The following YIF1B variants were observed in gnomAD, a reference collection of about 807,000 sequenced individuals.
YIF1B encodes protein YIF1B.
Under a neutral mutation model 34.6 loss-of-function variants are expected in YIF1B, and 24 were observed. That is an observed-to-expected ratio of 0.69 (90% CI 0.50 to 0.98). YIF1B has a LOEUF of 0.98. Ranked by LOEUF, YIF1B falls within the 50% of genes least tolerant of loss-of-function variation. YIF1B has a pLI of 0.00. For synonymous variants in YIF1B, 186 were observed against 184.8 expected (o/e 1.01, Z -0.05); for missense variants, 368 against 429.4 (o/e 0.86, Z 1.26).
intron 1 of YIF1B, among the ~76,000 whole-genome samples, chr19:38,314,362 A>T (rs1167383884): frequency 6.6e-6 from 1 of 151,006 alleles, no homozygotes; most frequent in African/African-American, 2.4e-5. Context: ...GCCCAGCTAA[A>T]TTTTCTATTT....
intron 1 of YIF1B, among the ~76,000 whole-genome samples, chr19:38,312,105 A>AAAAACAAAAC (rs766418186): frequency 3.3e-5 from 5 of 151,778 alleles, no homozygotes; most frequent in Non-Finnish European, 7.4e-5. Flanking sequence ...TCCATCTCAA[A>AAAAACAAAAC]AAAACAAAAC....
At chr19:38,317,555 A>G (rs1413203478), upstream of YIF1B, among the ~76,000 whole-genome samples, 2 of 149,696 alleles carry the variant, frequency 1.3e-5, no homozygotes, top group Non-Finnish European at 3.0e-5. Context: ...CATCTCTTCC[A>G]TAAATGTTTT....
chr19:38,307,430 T>C lies in YIF1B; in HGVS notation c.787A>G (p.Met263Val). The C allele has an allele frequency of 6.2e-7, 1 of 1,613,544 alleles. No homozygotes were observed. The highest frequency in any genetic ancestry group is 8.5e-7 in the Non-Finnish European group (1 of 1,179,926). Residue 263 changes from methionine (M) to valine (V), a missense_variant and splice_region_variant, in exon 7 of 8, where the codon ATG becomes GTG. Met to Val is a conservative substitution (Grantham distance 21). Coordinates refer to ENST00000339413, the MANE Select transcript of YIF1B (RefSeq NM_001039672.3). ...GWCCVAIFVFMIRTLRLKILA... is the reference protein window; with the variant it reads ...GWCCVAIFVFVIRTLRLKILA... ...CACCAGCCCCGAGCCCAGCTCACCA[T>C]GAACACAAAGATGGCTACGCAGCAC...
chr19:38,304,910 G>GAGGAAGGAGAAGGGC lies in YIF1B; in HGVS notation c.*441_*442insGCCCTTCTCCTTCCT, dbSNP rs1555718994. ...GCAAGGCCAAGAAGCCCAAAGTGAAGAAGAAGGAGAAGGGCAAGAAGGAGA... is the reference window on the plus strand; with the variant it reads ...GCAAGGCCAAGAAGCCCAAAGTGAAGAGGAAGGAGAAGGGCAAGAAGGAGAAGGGCAAGAAGGAGA... On this transcript the variant is annotated 3_prime_UTR_variant, in exon 8 of 8. Transcript: ENST00000339413. The GAGGAAGGAGAAGGGC allele has an allele frequency of 7.6e-6, 12 of 1,571,408 alleles. No individual in the cohort carries two copies. The East Asian group carries it at 2.5e-4, about 33-fold the overall frequency.
upstream of YIF1B, among the ~76,000 whole-genome samples, chr19:38,319,567 G>C (rs370161334): frequency 2.0e-5 from 3 of 152,290 alleles, no homozygotes; most frequent in South Asian, 4.1e-4. Flanking sequence ...GTGCGCGATG[G>C]GGGGCGACTC....
chr19:38,321,463 C>T (rs967118834), upstream of YIF1B, among the ~76,000 whole-genome samples: 1 of 152,234 alleles, frequency 6.6e-6, no homozygotes, highest in African/African-American at 2.4e-5. Context: ...TTCAGCAGCC[C>T]CAGCTAGGGA....
upstream of YIF1B, chr19:38,316,000 C>A: frequency 7.3e-7 from 1 of 1,361,450 alleles, no homozygotes; most frequent in South Asian, 1.7e-5. Context: ...AAGAGACAGC[C>A]AATGGACGTC....
upstream of YIF1B, among the ~76,000 whole-genome samples, chr19:38,320,709 C>T (rs1969642209): frequency 1.3e-5 from 2 of 152,142 alleles, no homozygotes; most frequent in Admixed American, 6.5e-5. Flanking sequence ...CAGGCACATA[C>T]CACCATGCCT....
Position 38,307,461 on chromosome 19 carries a change from C to T in YIF1B, c.756G>A (p.Leu252=), listed in dbSNP as rs1385293727. The change falls in exon 7 of 8, where the codon CTG becomes CTA. Residue 252 remains leucine, a synonymous_variant. Coordinates refer to ENST00000339413, the MANE Select transcript of YIF1B (RefSeq NM_001039672.3). ...LFGKIGYYLV[L]GWCCVAIFVF... is the part of the protein sequence containing the mutation. Reference sequence around the variant, plus strand: ...CAAAGATGGCTACGCAGCACCAGCCCAGCACCAGGTAGTAGCCAATCTTCC... The same window carrying T: ...CAAAGATGGCTACGCAGCACCAGCCTAGCACCAGGTAGTAGCCAATCTTCC... 3 of 1,613,834 alleles carry T rather than the reference C, an allele frequency of 1.9e-6. No individual in the cohort carries two copies. The Admixed American group carries it at 5.0e-5, about 27-fold the overall frequency.
At chr19:38,315,485 G>T in intron 1 of YIF1B, 2 of 1,395,576 alleles carry the variant, frequency 1.4e-6, no homozygotes, top group Non-Finnish European at 9.3e-7. Flanking sequence ...TCTTAAATGA[G>T]CGGTAGGCAT....
intron 1 of YIF1B, among the ~76,000 whole-genome samples, chr19:38,314,146 C>T (rs1033277730): frequency 1.3e-5 from 2 of 151,830 alleles, no homozygotes; most frequent in Admixed American, 6.6e-5. Context: ...CTGCCTCAGC[C>T]GCCCGAGTAG....
chr19:38,314,478 C>T (rs1459618682), intron 1 of YIF1B, among the ~76,000 whole-genome samples: 1 of 151,802 alleles, frequency 6.6e-6, no homozygotes, highest in Non-Finnish European at 1.5e-5. Flanking sequence ...TAGGTGTGAA[C>T]CACTGCGCCC....
chr19:38,304,763 G>C lies in YIF1B; in HGVS notation c.*589C>G, dbSNP rs534734617. On this transcript the variant is annotated 3_prime_UTR_variant, in exon 8 of 8. Transcript: ENST00000339413. Reference sequence around the variant, plus strand: ...GCGTCCCCGCACTGGGGCTGGCGGGGAGGGTGCGGGGAGTGGTCCCCCTGT... The same window carrying C: ...GCGTCCCCGCACTGGGGCTGGCGGGCAGGGTGCGGGGAGTGGTCCCCCTGT... 6.2e-7 allele frequency: 1 copy of C among 1,612,004 alleles called. No homozygotes were observed. Among genetic ancestry groups the C allele is most frequent in the African/African-American group, 1.3e-5 (1 of 74,904 alleles).
chr19:38,305,105 G>C lies in YIF1B; in HGVS notation c.*247C>G. On this transcript the variant is annotated 3_prime_UTR_variant, in exon 8 of 8. Coordinates refer to ENST00000339413, the MANE Select transcript of YIF1B (RefSeq NM_001039672.3). ...CATTCGTGCGCGAGGCCAAGGAGAG[G>C]CTGTCCACGCCATGCCCATCAGGGT... 6.8e-7 allele frequency: 1 copy of C among 1,468,790 alleles called. No individual in the cohort carries two copies. Among genetic ancestry groups the C allele is most frequent in the Non-Finnish European group, 9.1e-7 (1 of 1,099,376 alleles). 91.0% of individuals were successfully genotyped at this position (1,468,790 alleles called of 1,614,324 possible).
intron 1 of YIF1B, chr19:38,315,492 G>T: frequency 7.1e-7 from 1 of 1,403,254 alleles, no homozygotes; most frequent in Non-Finnish European, 9.2e-7. Flanking sequence ...TGAGCGGTAG[G>T]CATGGCCCTC....
rs1212436596 is a variant in YIF1B, at chr19:38,307,946, A to G, written c.540-194T>C. Among the ~76,000 whole-genome samples, 4 of 152,158 alleles carry G rather than the reference A, an allele frequency of 2.6e-5. No individual in the cohort carries two copies. In the East Asian group the frequency reaches 7.7e-4, roughly 29 times the overall value. On this transcript the variant is annotated intron_variant, in intron 5 of 7. Coordinates refer to ENST00000339413, the MANE Select transcript of YIF1B (RefSeq NM_001039672.3). ...CCCATCCCTAGACAGTGACACCCAGAGCAGGCAGGGCTGGAGTCACAGGGG... is the reference window on the plus strand; with the variant it reads ...CCCATCCCTAGACAGTGACACCCAGGGCAGGCAGGGCTGGAGTCACAGGGG...
upstream of YIF1B, among the ~76,000 whole-genome samples, chr19:38,321,576 C>T (rs944928853): frequency 6.6e-6 from 1 of 152,244 alleles, no homozygotes; most frequent in Admixed American, 6.5e-5. Context: ...GCTCCCCCAG[C>T]CCCTTCTCAG....
intron 1 of YIF1B, chr19:38,315,323 CCTCAGG>C: frequency 9.6e-7 from 1 of 1,038,798 alleles, no homozygotes. Flanking sequence ...TCATGTGCCT[CCTCAGG>C]GCTCCCACAA....
At chr19:38,320,050 G>A (rs1048352502), upstream of YIF1B, 12 of 1,510,570 alleles carry the variant, frequency 7.9e-6, no homozygotes, top group Non-Finnish European at 1.1e-5. Flanking sequence ...GCCGCACGAA[G>A]CCAGGCTCCG....
Sources: gnomAD v4.1 joint callset for allele counts (sites outside exome capture counted in the v4.1 genomes callset) on GRCh38, gnomAD v4.1.1 for gene constraint, MANE v1.5 for transcripts, NCBI Gene and HGNC (gene_info 2026-07-23, HGNC 2026-07-21) for gene names.